The following DTNA variants were observed in gnomAD, a reference collection of about 807,000 sequenced individuals.
The protein encoded by DTNA is dystrophin-related protein 3.
In DTNA, 43 loss-of-function variants were observed where a neutral mutation model predicts 100.7. The observed-to-expected ratio is 0.43, with a 90% CI of 0.33 to 0.55. The LOEUF (loss-of-function observed/expected upper bound fraction) is 0.55. Among genes scored for constraint, DTNA ranks in the 20% least tolerant of loss-of-function variants. The pLI is 0.04. For synonymous variants in DTNA, 349 were observed against 347.9 expected (o/e 1.00, Z -0.04); for missense variants, 798 against 953.9 (o/e 0.84, Z 2.15).
chr18:34,807,095 A>G (rs945593911), intron 5 of DTNA, among the ~76,000 whole-genome samples: 7 of 152,188 alleles, frequency 4.6e-5, no homozygotes, highest in Admixed American at 4.6e-4. Context: ...TCTGGGTCCC[A>G]CCCCAAGAAT....
chr18:34,687,020 G>T (rs1311949556), intron 1 of DTNA, among the ~76,000 whole-genome samples: 2 of 151,934 alleles, frequency 1.3e-5, no homozygotes, highest in Non-Finnish European at 2.9e-5. Flanking sequence ...GTGTCTATTT[G>T]ATTCTTCTCT....
intron 1 of DTNA, among the ~76,000 whole-genome samples, chr18:34,541,879 A>G (rs1048422703): frequency 6.6e-6 from 1 of 152,046 alleles, no homozygotes; most frequent in Non-Finnish European, 1.5e-5. Flanking sequence ...AAAAGCTGCA[A>G]GGTGTGATGG....
intron 1 of DTNA, among the ~76,000 whole-genome samples, chr18:34,742,629 T>TATTATCTATCTAGATAGATAGATAA: frequency 7.3e-6 from 1 of 137,684 alleles, no homozygotes; most frequent in Non-Finnish European, 1.6e-5. Flanking sequence ...TCTGATTATC[T>TATTATCTATCTAGATAGATAGATAA]TCTATTATCT....
At chr18:34,788,049 TTCC>T (rs2094569793) in intron 3 of DTNA, among the ~76,000 whole-genome samples, 1 of 152,206 alleles carries the variant, frequency 6.6e-6, no homozygotes, top group African/African-American at 2.4e-5. Context: ...GATGAGGGAA[TTCC>T]TCCTATCTCC....
chr18:34,552,814 G>T (rs9945605), intron 1 of DTNA, among the ~76,000 whole-genome samples: 28,727 of 136,538 alleles, frequency 0.21, 4,508 homozygotes, highest in African/African-American at 0.45. Context: ...TCTTTGCTAT[G>T]GTGAATAATG....
intron 1 of DTNA, among the ~76,000 whole-genome samples, chr18:34,515,032 GGTTT>G (rs551074412): frequency 2.0e-3 from 300 of 152,032 alleles, no homozygotes; most frequent in African/African-American, 7.1e-3. Context: ...AAGCTTTGGG[GGTTT>G]GTTTAGTTCA....
At chr18:34,819,434 G>A (rs140006731) in intron 8 of DTNA, among the ~76,000 whole-genome samples, 86 of 152,268 alleles carry the variant, frequency 5.6e-4, no homozygotes, top group African/African-American at 2.0e-3. Flanking sequence ...TCATGCTGAG[G>A]ACAGATAGAT....
At chr18:34,783,388 C>G (rs935832732) in intron 3 of DTNA, among the ~76,000 whole-genome samples, 2 of 152,122 alleles carry the variant, frequency 1.3e-5, no homozygotes, top group African/African-American at 4.8e-5. Flanking sequence ...TGATTTTACA[C>G]CAAAAATATG....
intron 1 of DTNA, among the ~76,000 whole-genome samples, chr18:34,732,238 C>T (rs1286387792): frequency 3.3e-5 from 5 of 152,126 alleles, no homozygotes; most frequent in Admixed American, 2.6e-4. Context: ...TTTTGTTTTT[C>T]AGCTAACTTG....
At chr18:34,713,417 G>T (rs888162359) in intron 1 of DTNA, among the ~76,000 whole-genome samples, 1 of 152,098 alleles carries the variant, frequency 6.6e-6, no homozygotes, top group Non-Finnish European at 1.5e-5. Context: ...AAGCGATAGA[G>T]GCTGTCATCA....
intron 1 of DTNA, among the ~76,000 whole-genome samples, chr18:34,720,135 G>T (rs1341943826): frequency 6.6e-6 from 1 of 152,122 alleles, no homozygotes; most frequent in Non-Finnish European, 1.5e-5. Flanking sequence ...GTCATGAGGG[G>T]GTGGAAGGGT....
intron 1 of DTNA, among the ~76,000 whole-genome samples, chr18:34,737,061 G>A (rs1400306659): frequency 6.6e-6 from 1 of 152,140 alleles, no homozygotes; most frequent in Non-Finnish European, 1.5e-5. Flanking sequence ...TTAAACAGAT[G>A]TATAGTGAAA....
At chr18:34,738,559 T>TA (rs2090064840) in intron 1 of DTNA, among the ~76,000 whole-genome samples, 1 of 152,222 alleles carries the variant, frequency 6.6e-6, no homozygotes, top group Admixed American at 6.5e-5. Context: ...GAAGCTGGGC[T>TA]GGAGGCCACC....
At chr18:34,558,474 A>T (rs2046334887) in intron 1 of DTNA, among the ~76,000 whole-genome samples, 1 of 152,174 alleles carries the variant, frequency 6.6e-6, no homozygotes, top group Non-Finnish European at 1.5e-5. Flanking sequence ...ACACTATTCT[A>T]GTTGTCAGTA....
At chr18:34,648,542 A>G (rs954835484) in intron 1 of DTNA, among the ~76,000 whole-genome samples, 7 of 152,236 alleles carry the variant, frequency 4.6e-5, no homozygotes, top group Non-Finnish European at 8.8e-5. Context: ...GGGTAAATAC[A>G]GCAATAAAGT....
At chr18:34,552,065 C>T (rs999361069) in intron 1 of DTNA, among the ~76,000 whole-genome samples, 6 of 152,000 alleles carry the variant, frequency 3.9e-5, no homozygotes, top group Non-Finnish European at 5.9e-5. Context: ...TTTAAATGCT[C>T]CCTCCTTTAT....
chr18:34,670,861 C>A (rs557568868), intron 1 of DTNA, among the ~76,000 whole-genome samples: 1 of 152,174 alleles, frequency 6.6e-6, no homozygotes, highest in Non-Finnish European at 1.5e-5. Context: ...ATAGGCTACT[C>A]GGGGGTCAGG....
intron 1 of DTNA, among the ~76,000 whole-genome samples, chr18:34,681,550 C>G (rs905843312): frequency 2.6e-5 from 4 of 152,082 alleles, no homozygotes; most frequent in African/African-American, 9.7e-5. Context: ...TGACAATTAA[C>G]TAATTTTGCC....
chr18:34,628,258 T>C (rs16965684), intron 1 of DTNA, among the ~76,000 whole-genome samples: 1,880 of 152,346 alleles, frequency 0.012, 34 homozygotes, highest in African/African-American at 0.043. Context: ...CTATAACTCA[T>C]CTTATTTTTA....
Sources: gnomAD v4.1 joint callset for allele counts (sites outside exome capture counted in the v4.1 genomes callset) on GRCh38, gnomAD v4.1.1 for gene constraint, MANE v1.5 for transcripts, NCBI Gene and HGNC (gene_info 2026-07-23, HGNC 2026-07-21) for gene names.